The following ZDHHC17 variants were observed in gnomAD, a reference collection of about 807,000 sequenced individuals.
ZDHHC17 encodes zDHHC palmitoyltransferase 17, also known as palmitoyltransferase ZDHHC17.
A neutral mutation model predicts 90.3 loss-of-function variants in ZDHHC17; 40 were observed. The observed-to-expected ratio is 0.44, with a 90% CI of 0.34 to 0.58. The LOEUF (loss-of-function observed/expected upper bound fraction) is 0.58. ZDHHC17 is among the 20% of genes least tolerant of loss of function. The pLI is 0.01. For synonymous variants in ZDHHC17, 235 were observed against 252.4 expected (o/e 0.93, Z 0.65); for missense variants, 614 against 780.8 (o/e 0.79, Z 2.55).
chr12:76,808,644 A>G (rs1952982835), intron 3 of ZDHHC17, among the ~76,000 whole-genome samples: 1 of 152,178 alleles, frequency 6.6e-6, no homozygotes, highest in Admixed American at 6.5e-5. Flanking sequence ...ATCTACAGTA[A>G]TCTTAAGGAA....
intron 1 of ZDHHC17, among the ~76,000 whole-genome samples, chr12:76,784,279 G>C (rs572568478): frequency 6.6e-6 from 1 of 152,214 alleles, no homozygotes; most frequent in Non-Finnish European, 1.5e-5. Context: ...AGGCATTAAG[G>C]AGGATAAGAC....
At chr12:76,821,101 C>T (rs1484367743) in intron 7 of ZDHHC17, 2 of 1,288,856 alleles carry the variant, frequency 1.6e-6, no homozygotes, top group Admixed American at 4.6e-5. Context: ...AAGGGATGCT[C>T]AGCTGGACCG....
intron 1 of ZDHHC17, among the ~76,000 whole-genome samples, chr12:76,777,218 A>G (rs1952569301): frequency 6.6e-6 from 1 of 152,184 alleles, no homozygotes; most frequent in South Asian, 2.1e-4. Context: ...ACCCCTGGCA[A>G]TCACTAACCT....
At chr12:76,804,724 G>A (rs990569938) in intron 2 of ZDHHC17, among the ~76,000 whole-genome samples, 6 of 152,242 alleles carry the variant, frequency 3.9e-5, no homozygotes, top group African/African-American at 1.2e-4. Flanking sequence ...GACCAGTGAG[G>A]AGCTGGGGGA....
chr12:76,773,696 C>T (rs954666856), intron 1 of ZDHHC17, among the ~76,000 whole-genome samples: 1 of 152,150 alleles, frequency 6.6e-6, no homozygotes, highest in South Asian at 2.1e-4. Context: ...TTGCTGTATA[C>T]ATGAATAGGT....
chr12:76,806,266 T>C (rs1423220214), intron 3 of ZDHHC17, among the ~76,000 whole-genome samples: 1 of 151,922 alleles, frequency 6.6e-6, no homozygotes, highest in Non-Finnish European at 1.5e-5. Flanking sequence ...AACTAATTTG[T>C]GTTTTTTTGT....
chr12:76,769,727 G>A (rs991248955), intron 1 of ZDHHC17, among the ~76,000 whole-genome samples: 1 of 152,088 alleles, frequency 6.6e-6, no homozygotes, highest in Admixed American at 6.6e-5. Flanking sequence ...GTTAAGCCCA[G>A]TAACCACTGA....
chr12:76,793,889 T>G (rs1952789152), intron 1 of ZDHHC17, among the ~76,000 whole-genome samples: 2 of 152,128 alleles, frequency 1.3e-5, no homozygotes, highest in South Asian at 4.1e-4. Context: ...TTACAGGATT[T>G]TATTTTATTT....
At chr12:76,782,585 A>G (rs1465124890) in intron 1 of ZDHHC17, among the ~76,000 whole-genome samples, 2 of 152,168 alleles carry the variant, frequency 1.3e-5, no homozygotes, top group African/African-American at 4.8e-5. Context: ...CCTGCTCAGC[A>G]GACACAACCT....
At chr12:76,802,759 C>T (rs563772409) in intron 2 of ZDHHC17, among the ~76,000 whole-genome samples, 5 of 152,226 alleles carry the variant, frequency 3.3e-5, no homozygotes, top group East Asian at 1.9e-4. Context: ...AGTTATTGTA[C>T]GTTTTAGTTC....
At chr12:76,833,757 C>T (rs971574462) in intron 10 of ZDHHC17, among the ~76,000 whole-genome samples, 1 of 152,156 alleles carries the variant, frequency 6.6e-6, no homozygotes, top group Admixed American at 6.5e-5. Flanking sequence ...TGCGCCACTG[C>T]ACTCCAGCCT....
intron 8 of ZDHHC17, among the ~76,000 whole-genome samples, 198 bp downstream of exon 8, chr12:76,822,729 AT>A (rs11386189): frequency 1.3e-5 from 2 of 149,168 alleles, no homozygotes; most frequent in African/African-American, 2.5e-5. Context: ...TAATATTTGT[AT>A]TTTTTTTTAG....
intron 1 of ZDHHC17, among the ~76,000 whole-genome samples, chr12:76,780,995 G>A (rs1030883243): frequency 1.9e-4 from 29 of 151,918 alleles, no homozygotes; most frequent in Admixed American, 1.6e-3. Flanking sequence ...TTACCCGGGC[G>A]TGGTAGCAGG....
intron 1 of ZDHHC17, among the ~76,000 whole-genome samples, chr12:76,769,441 GTATA>G (rs1158131692): frequency 6.6e-6 from 1 of 152,030 alleles, no homozygotes; most frequent in African/African-American, 2.4e-5. Context: ...ATGTGTGTGT[GTATA>G]TATATGTATT....
rs11321911 is a variant in ZDHHC17, at chr12:76,825,679, GAA to G, written c.898-1219_898-1218del. On this transcript the variant is annotated intron_variant, in intron 8 of 16. Coordinates refer to ENST00000426126, the MANE Select transcript of ZDHHC17 (RefSeq NM_015336.4). ...TTGGGGAAGACATGGTCATTTATAT[GAA>G]AAAAAAAAATCCCACTTATTTCAGT... Among the ~76,000 whole-genome samples the G allele has an allele frequency of 3.5e-3, 532 of 150,694 alleles. 5 individuals are homozygous for G. Among genetic ancestry groups the G allele is most frequent in the African/African-American group, 0.011 (458 of 41,038 alleles).
At chr12:76,822,632 G>A (rs1361335185) in intron 8 of ZDHHC17, 101 bp downstream of exon 8, 20 of 874,238 alleles carry the variant, frequency 2.3e-5, no homozygotes, top group Non-Finnish European at 3.0e-5. Context: ...TTGGCTCACT[G>A]CAATCCCTGC....
chr12:76,827,032 C>T lies in ZDHHC17; in HGVS notation c.1022C>T (p.Thr341Ile). ...CTAATGTATGGTGGTGTTTGGGCTA[C>T]AGTACAGTTTCTTTCAAAGTAAGTG... is the stretch of plus-strand genomic sequence containing the variant. ...KGLMYGGVWA[T>I]VQFLSKSFFD... The change falls in exon 9 of 17, where the codon ACA (threonine) becomes ATA (isoleucine). Residue 341 changes from threonine to isoleucine, a missense_variant. Thr to Ile is a moderately conservative substitution (Grantham distance 89). This residue lies in a region of ZDHHC17 where 117 missense variants were observed against 183.6 expected (regional missense o/e 0.64). Transcript: ENST00000426126. 1.3e-6 allele frequency: 2 copies of T among 1,562,170 alleles called. No individual in the cohort carries two copies. Among genetic ancestry groups the T allele is most frequent in the Non-Finnish European group, 1.7e-6 (2 of 1,163,084 alleles).
intron 1 of ZDHHC17, among the ~76,000 whole-genome samples, chr12:76,784,445 C>G (rs1164524423): frequency 6.6e-6 from 1 of 152,074 alleles, no homozygotes; most frequent in African/African-American, 2.4e-5. Context: ...AAGAAATCAG[C>G]AGTATATAAA....
chr12:76,787,307 T>G (rs930831999), intron 1 of ZDHHC17, among the ~76,000 whole-genome samples: 1 of 152,182 alleles, frequency 6.6e-6, no homozygotes, highest in African/African-American at 2.4e-5. Flanking sequence ...CTTTACAGGA[T>G]GAAATCGAGA....
Sources: allele counts gnomAD v4.1 joint callset (sites outside exome capture counted in the v4.1 genomes callset), GRCh38; gene constraint gnomAD v4.1.1; regional missense constraint gnomAD v4.1.1; transcripts MANE v1.5; gene names NCBI Gene and HGNC (gene_info 2026-07-23, HGNC 2026-07-21).